Variants in CD163L1 observed in about 807,000 individuals in gnomAD.
CD163L1 encodes CD163 molecule like 1.
A neutral mutation model predicts 165.4 loss-of-function variants in CD163L1; 124 were observed. That is an observed-to-expected ratio of 0.75 (90% CI 0.65 to 0.87). The LOEUF (loss-of-function observed/expected upper bound fraction) is 0.87, where lower values mean the gene tolerates loss of function less well. Ranked by LOEUF, CD163L1 falls within the 40% of genes least tolerant of loss-of-function variation. The pLI, the probability that CD163L1 is intolerant of heterozygous loss-of-function variation, is 0.00. For missense variants in CD163L1, 1,525 were observed against 1,799.9 expected (o/e 0.85, Z 2.76); for synonymous variants, 585 against 662.2 (o/e 0.88, Z 1.79).
intron 3 of CD163L1, 157 bp downstream of exon 3, chr12:7,433,217 C>A: frequency 1.8e-6 from 1 of 557,100 alleles, no homozygotes. Flanking sequence ...AGCAATTAGA[C>A]ATTACTTTGG....
intron 4 of CD163L1, among the ~76,000 whole-genome samples, chr12:7,421,869 A>G (rs1948446933): frequency 6.6e-6 from 1 of 151,834 alleles, no homozygotes; most frequent in South Asian, 2.1e-4. Context: ...AAGGCATAAG[A>G]ATGATATAAT....
chr12:7,435,376 T>C (rs759777378), intron 2 of CD163L1, among the ~76,000 whole-genome samples: 33 of 151,736 alleles, frequency 2.2e-4, no homozygotes, highest in Non-Finnish European at 3.8e-4. Context: ...ATTTTTTAAA[T>C]ATATATATTT....
chr12:7,331,328 C>G, the CD163L1 span, among the ~76,000 whole-genome samples: 6 of 152,228 alleles, frequency 3.9e-5, no homozygotes, highest in African/African-American at 1.4e-4. Flanking sequence ...TCCAGGAAGC[C>G]TGCCTGCCTC....
the CD163L1 span, chr12:7,328,642 G>C: frequency 1.4e-4 from 31 of 215,140 alleles, no homozygotes; most frequent in Non-Finnish European, 7.4e-5. Flanking sequence ...TAAAATGATT[G>C]CTTAGAACAA....
intron 9 of CD163L1, among the ~76,000 whole-genome samples, chr12:7,378,519 T>C (rs764192486): frequency 2.6e-4 from 39 of 152,318 alleles, no homozygotes; most frequent in Non-Finnish European, 5.1e-4. Flanking sequence ...TTATAAGTTT[T>C]CCCCCTTCTT....
Position 7,396,778 on chromosome 12 carries a change from G to T in CD163L1, c.1730-363C>A, listed in dbSNP as rs146817149. 4.6e-3 allele frequency among the ~76,000 whole-genome samples: 698 copies of T among 152,038 alleles called. 2 individuals carry two copies. Among genetic ancestry groups the T allele is most frequent in the Non-Finnish European group, 6.6e-3 (451 of 67,952 alleles). ...TTTGGACTTGCAAGCCCCGATAATTGCTTATAAAATTGATGAACCAATTCC... is the reference window on the plus strand; with the variant it reads ...TTTGGACTTGCAAGCCCCGATAATTTCTTATAAAATTGATGAACCAATTCC... On this transcript the variant is annotated intron_variant, in intron 7 of 19. Coordinates refer to ENST00000313599, the MANE Select transcript of CD163L1 (RefSeq NM_174941.6).
chr12:7,392,257 A>G (rs1947672553), intron 8 of CD163L1, among the ~76,000 whole-genome samples: 1 of 152,272 alleles, frequency 6.6e-6, no homozygotes. Flanking sequence ...ATTAGAACTC[A>G]GAATTAAGAA....
intron 6 of CD163L1, among the ~76,000 whole-genome samples, chr12:7,399,323 CTCTCT>C (rs1159962024): frequency 1.5e-5 from 2 of 133,486 alleles, no homozygotes; most frequent in Non-Finnish European, 3.3e-5. Flanking sequence ...TCTTTCTTCT[CTCTCT>C]TCTTTCATTC....
chr12:7,329,008 A>T, the CD163L1 span, among the ~76,000 whole-genome samples: 1 of 148,278 alleles, frequency 6.7e-6, no homozygotes, highest in African/African-American at 2.4e-5. Flanking sequence ...GTATATATAG[A>T]TATATCTGTA....
rs1947184266 is a variant in CD163L1, at chr12:7,373,447, G to A, written c.3603C>T (p.Gly1201=). ...VVSLAPLSKT[G]SGFMWVDDIQ... is the part of the protein sequence containing the mutation. ...TGTCATCCACCCACATGAAACCAGA[G>A]CCTGTCTTAGATAAAGGGGCGAGGC... The change falls in exon 14 of 20, where the codon GGC becomes GGT. Residue 1201 remains glycine, a synonymous_variant. Coordinates refer to ENST00000313599, the MANE Select transcript of CD163L1 (RefSeq NM_174941.6). The A allele has an allele frequency of 6.2e-7, 1 of 1,614,186 alleles. No individual in the cohort carries two copies. Among genetic ancestry groups the A allele is most frequent in the African/African-American group, 1.3e-5 (1 of 75,044 alleles).
chr12:7,396,175 G>C lies in CD163L1; in HGVS notation c.1970C>G (p.Ser657Ter). The change falls in exon 8 of 20, where the codon TCA becomes TGA. Residue 657 changes from serine (S) to a stop codon, truncating the protein, a stop_gained. Coordinates refer to ENST00000313599, the MANE Select transcript of CD163L1 (RefSeq NM_174941.6). LOFTEE classifies it high-confidence loss of function. ...LDDVSCDGDESDLWSCRNSGW... is the reference protein window; with the variant it reads ...LDDVSCDGDE Reference sequence around the variant, plus strand: ...ACTGTTCCTGCATGACCAGAGATCTGACTCATCTCCATCACAGGAAACATC... The same window carrying C: ...ACTGTTCCTGCATGACCAGAGATCTCACTCATCTCCATCACAGGAAACATC... 6.2e-7 allele frequency: 1 copy of C among 1,614,102 alleles called. No homozygotes were observed. The highest frequency in any genetic ancestry group is 2.2e-5 in the East Asian group (1 of 44,870).
intron 8 of CD163L1, among the ~76,000 whole-genome samples, chr12:7,393,639 T>C (rs1947709952): frequency 6.6e-6 from 1 of 152,178 alleles, no homozygotes; most frequent in Non-Finnish European, 1.5e-5. Context: ...ATCGTCCCTG[T>C]TTGCAGATGA....
At position 7,374,783 on chromosome 12, in the gene CD163L1, GTC is replaced by G; in HGVS notation, c.3095-29_3095-28del. The G allele has an allele frequency of 6.2e-7, 1 of 1,613,982 alleles. No individual in the cohort carries two copies. The highest frequency in any genetic ancestry group is 8.5e-7 in the Non-Finnish European group (1 of 1,179,914). Reference sequence around the variant, plus strand: ...TTAGAGGAGAAAGTCCAGTTAATAGGTCACATTCTTTAGAGTTGCAGTGTTTC... The same window carrying G: ...TTAGAGGAGAAAGTCCAGTTAATAGGACATTCTTTAGAGTTGCAGTGTTTC... On this transcript the variant is annotated intron_variant, in intron 12 of 19. Transcript: ENST00000313599. This position sits in a 1 kb window ranked among gnomAD's most constrained non-coding sequence, Gnocchi z 5.4.
chr12:7,408,076 C>CAT (rs34223603), intron 4 of CD163L1, among the ~76,000 whole-genome samples: 19,472 of 142,694 alleles, frequency 0.14, 1,807 homozygotes, highest in East Asian at 0.28. Context: ...CTGAACACTA[C>CAT]ATATATATAT....
chr12:7,345,208 A>G (rs1946661370), downstream of CD163L1, among the ~76,000 whole-genome samples: 1 of 152,010 alleles, frequency 6.6e-6, no homozygotes, highest in South Asian at 2.1e-4. Context: ...TCTCTTTTAA[A>G]TATAAATTAC....
chr12:7,411,818 A>T (rs893360814), intron 4 of CD163L1, among the ~76,000 whole-genome samples: 1 of 152,342 alleles, frequency 6.6e-6, no homozygotes, highest in South Asian at 2.1e-4. Flanking sequence ...CCAAAGCAGG[A>T]TGTATGAAAC....
At chr12:7,416,110 T>C (rs1948232875) in intron 4 of CD163L1, among the ~76,000 whole-genome samples, 1 of 152,236 alleles carries the variant, frequency 6.6e-6, no homozygotes, top group Non-Finnish European at 1.5e-5. Flanking sequence ...TTTTTAATGA[T>C]CAACATTCTA....
intron 19 of CD163L1, among the ~76,000 whole-genome samples, chr12:7,355,340 T>G (rs907203366): frequency 6.6e-6 from 1 of 152,180 alleles, no homozygotes; most frequent in Non-Finnish European, 1.5e-5. Flanking sequence ...ATTTTCTTTC[T>G]GCTCCCATAG....
intron 8 of CD163L1, among the ~76,000 whole-genome samples, chr12:7,389,960 T>TTATA (rs59235889): frequency 0.064 from 8,680 of 135,826 alleles, 387 homozygotes; most frequent in African/African-American, 0.12. Flanking sequence ...ATATATATAT[T>TTATA]TATATATATA....
Sources: allele counts gnomAD v4.1 joint callset (sites outside exome capture counted in the v4.1 genomes callset), GRCh38; gene constraint gnomAD v4.1.1; non-coding constraint Gnocchi (gnomAD v3.1); transcripts MANE v1.5; gene names NCBI Gene and HGNC (gene_info 2026-07-23, HGNC 2026-07-21).